KIF17: variants seen among roughly 807,000 people sequenced by gnomAD.
KIF17 encodes kinesin family member 17.
In KIF17, 80 loss-of-function variants were observed where a neutral mutation model predicts 96.8. The observed-to-expected ratio is 0.83, with a 90% confidence interval of 0.69 to 1.00. The LOEUF is 1.00. KIF17 is among the 50% of genes least tolerant of loss of function. The pLI, the probability that KIF17 is intolerant of heterozygous loss-of-function variation, is 0.00. For synonymous variants in KIF17, 567 were observed against 587.5 expected (o/e 0.97, Z 0.51); for missense variants, 1,280 against 1,372.9 (o/e 0.93, Z 1.07).
Position 20,704,261 on chromosome 1 carries a change from G to C in KIF17, c.1123+186C>G, listed in dbSNP as rs1445310031. On this transcript the variant is annotated intron_variant, in intron 5 of 14. Coordinates refer to ENST00000400463, the MANE Select transcript of KIF17 (RefSeq NM_001122819.3). This position sits in a 1 kb window ranked among gnomAD's most constrained non-coding sequence, Gnocchi z 6.8. ...GCCAGACGGACTGCCCTCCTCCCAG[G>C]ACACTGACAAGCAGATACCATCTGG... Among the ~76,000 whole-genome samples the C allele has an allele frequency of 3.3e-5, 5 of 152,154 alleles. No individual in the cohort carries two copies. Among genetic ancestry groups the C allele is most frequent in the African/African-American group, 1.2e-4 (5 of 41,430 alleles).
At position 20,672,087 on chromosome 1, in the gene KIF17, T is replaced by C. The variant is rs905924251; in HGVS notation, c.2573A>G (p.Gln858Arg). 6.2e-7 allele frequency: 1 copy of C among 1,614,240 alleles called. No homozygotes were observed. Among genetic ancestry groups the C allele is most frequent in the Non-Finnish European group, 8.5e-7 (1 of 1,180,054 alleles). ...RRQERDSMLL[Q>R]QLLEQVQPLI... Reference sequence around the variant, plus strand: ...GGGCTGCACCTGCTCCAGGAGCTGCTGCAAGAGCATGGAGTCACGCTCCTG... The same window carrying C: ...GGGCTGCACCTGCTCCAGGAGCTGCCGCAAGAGCATGGAGTCACGCTCCTG... Residue 858 changes from glutamine to arginine, a missense_variant, in exon 12 of 15, where the codon CAG (glutamine) becomes CGG (arginine). Gln to Arg is a conservative substitution (Grantham distance 43, BLOSUM62 1). Coordinates refer to ENST00000400463, the MANE Select transcript of KIF17 (RefSeq NM_001122819.3). The surrounding 1 kb of genome is among the most constrained non-coding windows in gnomAD (Gnocchi z 4.3).
intron 7 of KIF17, among the ~76,000 whole-genome samples, chr1:20,689,690 A>G (rs2054005377): frequency 6.6e-6 from 1 of 152,078 alleles, no homozygotes; most frequent in South Asian, 2.1e-4. Context: ...AGAACACAAA[A>G]ACCTCCAGAT....
At chr1:20,683,191 G>A (rs1195957537) in intron 10 of KIF17, among the ~76,000 whole-genome samples, 2 of 152,224 alleles carry the variant, frequency 1.3e-5, no homozygotes, top group African/African-American at 2.4e-5. Flanking sequence ...AGCTGAGCAG[G>A]CTAGTTCTGT....
At position 20,690,347 on chromosome 1, in the gene KIF17, G is replaced by GCCC; in HGVS notation, c.1234-13_1234-12insGGG. The GCCC allele has an allele frequency of 6.8e-6, 9 of 1,323,434 alleles. No homozygotes were observed. The highest frequency in any genetic ancestry group is 9.4e-6 in the Non-Finnish European group (9 of 953,956). 82.0% of individuals were successfully genotyped at this position (1,323,434 alleles called of 1,614,324 possible). Reference sequence around the variant, plus strand: ...CGCTCTTCATACTCCTGGGGGGGTGGGAGGGACCAGAGGGCAGGCAGCATT... The same window carrying GCCC: ...CGCTCTTCATACTCCTGGGGGGGTGGCCCGAGGGACCAGAGGGCAGGCAGCATT... On this transcript the variant is annotated splice_polypyrimidine_tract_variant and intron_variant, in intron 6 of 14. Transcript: ENST00000400463.
rs1201966781 is a variant in KIF17, at chr1:20,671,336, C to T, written c.2722+602G>A. 2.0e-5 allele frequency among the ~76,000 whole-genome samples: 3 copies of T among 152,074 alleles called. No homozygotes were observed. The East Asian group carries it at 5.8e-4, about 29-fold the overall frequency. ...AACACATTTCTGGTTTTTGTTTTTTCGGGGTTTGTTTTGAGACAGGGTCGC... is the reference window on the plus strand; with the variant it reads ...AACACATTTCTGGTTTTTGTTTTTTTGGGGTTTGTTTTGAGACAGGGTCGC... On this transcript the variant is annotated intron_variant, in intron 12 of 14. Transcript: ENST00000400463.
chr1:20,681,024 G>A (rs937796201), intron 11 of KIF17, among the ~76,000 whole-genome samples: 1 of 150,740 alleles, frequency 6.6e-6, no homozygotes, highest in Non-Finnish European at 1.5e-5. Flanking sequence ...TACTCGGGAG[G>A]CTGAGGCAGG....
Position 20,685,228 on chromosome 1 carries a change from A to C in KIF17, c.2020-208T>G, listed in dbSNP as rs2053917216. 1.4e-6 allele frequency: 1 copy of C among 694,474 alleles called. No homozygotes were observed. Among genetic ancestry groups the C allele is most frequent in the South Asian group, 1.5e-5 (1 of 66,666 alleles). The allele number at this position is 694,474 out of a possible 1,614,324, so 43.0% of individuals were successfully genotyped here. ...CCACTGACACCCCCACGCTAGGAGG[A>C]AGGCTCCCAGCTTCCTCTCTCACCT... On this transcript the variant is annotated intron_variant, in intron 9 of 14. Coordinates refer to ENST00000400463, the MANE Select transcript of KIF17 (RefSeq NM_001122819.3). This position sits in a 1 kb window ranked among gnomAD's most constrained non-coding sequence, Gnocchi z 4.1.
rs2053916011 is a variant in KIF17 at position 20,685,163 on chromosome 1, C to T, written c.2020-143G>A. ...ACCTCCAGCTCAGGGACACCAGTGA[C>T]ACAAAAACACGCCCTGTTGAGTTCT... On this transcript the variant is annotated intron_variant, in intron 9 of 14. Coordinates refer to ENST00000400463, the MANE Select transcript of KIF17 (RefSeq NM_001122819.3). This position sits in a 1 kb window ranked among gnomAD's most constrained non-coding sequence, Gnocchi z 4.1. The T allele has an allele frequency of 1.4e-6, 1 of 731,932 alleles. No individual in the cohort carries two copies. Among genetic ancestry groups the T allele is most frequent in the Non-Finnish European group, 2.5e-6 (1 of 401,030 alleles). 45.3% of individuals were successfully genotyped at this position (731,932 alleles called of 1,614,324 possible).
intron 13 of KIF17, among the ~76,000 whole-genome samples, chr1:20,666,573 C>G (rs1410744389): frequency 2.6e-5 from 4 of 152,194 alleles, no homozygotes; most frequent in Non-Finnish European, 5.9e-5. Context: ...CACCCGGCCT[C>G]CCCTTCCTTG....
chr1:20,714,815 AC>A (rs1570489351), intron 2 of KIF17, among the ~76,000 whole-genome samples: 1 of 151,080 alleles, frequency 6.6e-6, no homozygotes, highest in East Asian at 1.9e-4. Flanking sequence ...AAAAAAAAAA[AC>A]ACCTGAGGCC....
chr1:20,683,844 G>A (rs1296027838), intron 10 of KIF17, among the ~76,000 whole-genome samples: 4 of 152,124 alleles, frequency 2.6e-5, no homozygotes, highest in African/African-American at 9.7e-5. Flanking sequence ...CACCTTTGCA[G>A]GTGCTGTGCC....
rs541171123 is a variant in KIF17, at chr1:20,712,911, TATATA to T, written c.480+538_480+542del. 9.9e-3 allele frequency among the ~76,000 whole-genome samples: 511 copies of T among 51,792 alleles called. 15 individuals carry two copies. Among genetic ancestry groups the T allele is most frequent in the African/African-American group, 0.027 (457 of 16,670 alleles). The allele number at this position is 51,792 out of a possible 152,430, so 34.0% of individuals were successfully genotyped here. On this transcript the variant is annotated intron_variant, in intron 3 of 14. Transcript: ENST00000400463. ...TATAGATAATATTATCTATATTATA[TATATA>T]ATATATCTATATTATCTATAATATT...
At chr1:20,716,796 T>G (rs1011027655) in intron 1 of KIF17, among the ~76,000 whole-genome samples, 12 of 152,228 alleles carry the variant, frequency 7.9e-5, no homozygotes, top group African/African-American at 2.9e-4. Context: ...CGACAGGGAC[T>G]ATGCTCAGCC....
Position 20,687,644 on chromosome 1 carries a change from T to C in KIF17, c.1682A>G (p.Asn561Ser). ...EAFPGPEEPS[N>S]VEVSMPTEES... ...CTCAGTGGGCATGGAGACCTCCACG[T>C]TGGAGGGCTCCTCAGGCCCAGGGAA... Residue 561 changes from asparagine (N) to serine (S), a missense_variant, in exon 8 of 15, where the codon AAC becomes AGC. Coordinates refer to ENST00000400463, the MANE Select transcript of KIF17 (RefSeq NM_001122819.3). This position sits in a 1 kb window ranked among gnomAD's most constrained non-coding sequence, Gnocchi z 4.4. 2 of 1,614,130 alleles carry C rather than the reference T, an allele frequency of 1.2e-6. No individual in the cohort carries two copies. The highest frequency in any genetic ancestry group is 1.3e-5 in the African/African-American group (1 of 75,050).
At chr1:20,698,238 C>T (rs936916704) in intron 6 of KIF17, 141 bp downstream of exon 6, 2 of 694,828 alleles carry the variant, frequency 2.9e-6, no homozygotes, top group South Asian at 3.0e-5. Flanking sequence ...CCTGGCATCT[C>T]TTTGAGCTTC....
At chr1:20,688,665 G>C (rs912049117) in intron 7 of KIF17, among the ~76,000 whole-genome samples, 23 of 152,228 alleles carry the variant, frequency 1.5e-4, no homozygotes, top group African/African-American at 5.5e-4. Context: ...TGCCCTCGGA[G>C]CCCTCACTGG....
intron 11 of KIF17, among the ~76,000 whole-genome samples, chr1:20,681,916 T>G (rs1570443455): frequency 6.6e-6 from 1 of 152,352 alleles, no homozygotes; most frequent in Middle Eastern, 3.4e-3. Flanking sequence ...TTCATGGGCA[T>G]GCTTTGTGGA....
chr1:20,712,897 T>TC (rs71010600), intron 3 of KIF17, among the ~76,000 whole-genome samples: 2,876 of 52,092 alleles, frequency 0.055, 159 homozygotes, highest in Non-Finnish European at 0.067. Context: ...ATAGATAATA[T>TC]TATCTATATT....
At chr1:20,681,617 C>G (rs2053832057) in intron 11 of KIF17, among the ~76,000 whole-genome samples, 1 of 152,174 alleles carries the variant, frequency 6.6e-6, no homozygotes, top group Non-Finnish European at 1.5e-5. Flanking sequence ...ACCCGGACAG[C>G]ACAGAGAAAG....
Sources: allele counts gnomAD v4.1 joint callset (sites outside exome capture counted in the v4.1 genomes callset), GRCh38; gene constraint gnomAD v4.1.1; non-coding constraint Gnocchi (gnomAD v3.1); transcripts MANE v1.5; gene names NCBI Gene and HGNC (gene_info 2026-07-23, HGNC 2026-07-21).